The following BCKDHB variants were observed in gnomAD, a reference collection of about 807,000 sequenced individuals.
BCKDHB encodes branched chain keto acid dehydrogenase E1 subunit beta.
In BCKDHB, 41 loss-of-function variants were observed where a neutral mutation model predicts 48.5. That is an observed-to-expected ratio of 0.85 (90% CI 0.66 to 1.10). The LOEUF is 1.10. Among genes scored for constraint, BCKDHB ranks in the 50% least tolerant of loss-of-function variants. The probability of loss-of-function intolerance (pLI) is 0.00; values close to 1 mark genes in which losing one functional copy is unlikely to be tolerated. For missense variants in BCKDHB, 496 were observed against 494.2 expected, an observed-to-expected ratio of 1.00 and a Z score of -0.03; for synonymous variants, 201 against 174.8, an observed-to-expected ratio of 1.15 and a Z score of -1.18.
the BCKDHB span, among the ~76,000 whole-genome samples, chr6:80,375,433 G>A: frequency 6.6e-6 from 1 of 152,068 alleles, no homozygotes; most frequent in African/African-American, 2.4e-5. Flanking sequence ...CTACTTGTTC[G>A]ATGCTATTGC....
the BCKDHB span, among the ~76,000 whole-genome samples, chr6:80,399,726 A>AT: frequency 1.4e-4 from 21 of 152,168 alleles, no homozygotes; most frequent in African/African-American, 4.6e-4. Flanking sequence ...GACAGTCTTC[A>AT]CAGAACCAGA....
chr6:80,362,795 G>A, the BCKDHB span, among the ~76,000 whole-genome samples: 7 of 152,084 alleles, frequency 4.6e-5, no homozygotes, highest in African/African-American at 1.4e-4. Context: ...TCAGAAAAGT[G>A]GCCCTATAAC....
At chr6:80,333,651 A>G (rs747523938) in intron 9 of BCKDHB, among the ~76,000 whole-genome samples, 6 of 152,106 alleles carry the variant, frequency 3.9e-5, no homozygotes, top group Non-Finnish European at 8.8e-5. Context: ...GTAGCCTGTA[A>G]TTCCTAATTG....
chr6:80,363,487 C>T, the BCKDHB span, among the ~76,000 whole-genome samples: 1 of 152,136 alleles, frequency 6.6e-6, no homozygotes, highest in Non-Finnish European at 1.5e-5. Context: ...TCCTATGAGT[C>T]TTTGGGTGCA....
chr6:80,429,717 A>T, the BCKDHB span, among the ~76,000 whole-genome samples: 5 of 152,174 alleles, frequency 3.3e-5, no homozygotes, highest in South Asian at 1.0e-3. Flanking sequence ...TTGCACATTG[A>T]TTTTGTATCC....
At chr6:80,171,070 G>A (rs1340507053) in intron 5 of BCKDHB, among the ~76,000 whole-genome samples, 1 of 151,878 alleles carries the variant, frequency 6.6e-6, no homozygotes, top group African/African-American at 2.4e-5. Flanking sequence ...AACAGAACAT[G>A]GTAGACATCT....
intron 3 of BCKDHB, among the ~76,000 whole-genome samples, chr6:80,135,203 A>G (rs1404492530): frequency 1.3e-5 from 2 of 152,110 alleles, no homozygotes; most frequent in Non-Finnish European, 1.5e-5. Context: ...TTTGGGTGAT[A>G]CTCATACTCT....
At chr6:80,244,741 T>C (rs565577711) in intron 8 of BCKDHB, among the ~76,000 whole-genome samples, 1 of 152,232 alleles carries the variant, frequency 6.6e-6, no homozygotes, top group African/African-American at 2.4e-5. Context: ...TTTGGCTCAA[T>C]AAAGTAATGA....
rs768378855 is a variant in BCKDHB, at chr6:80,168,780, G to GGGAA, written c.478-84_478-81dup. 2.0e-3 allele frequency: 2,130 copies of GGGAA among 1,088,960 alleles called. 4 individuals carry two copies. The highest frequency in any genetic ancestry group is 6.3e-3 in the East Asian group (255 of 40,570). 67.5% of individuals were successfully genotyped at this position (1,088,960 alleles called of 1,614,324 possible). ...GGAAAGACTCATTGTGCCTTGGGAA[G>GGGAA]GGAAGGAAGGAAGGGAGGGAGGGAG... is the stretch of plus-strand genomic sequence containing the variant. On this transcript the variant is annotated intron_variant, in intron 4 of 9. Coordinates refer to ENST00000320393, the MANE Select transcript of BCKDHB (RefSeq NM_183050.4).
chr6:80,354,270 C>G, the BCKDHB span, among the ~76,000 whole-genome samples: 1 of 152,080 alleles, frequency 6.6e-6, no homozygotes, highest in African/African-American at 2.4e-5. Context: ...CTCTGTCACC[C>G]AGGCTGGAGT....
At chr6:80,153,576 C>T (rs190073787) in intron 3 of BCKDHB, among the ~76,000 whole-genome samples, 5 of 152,226 alleles carry the variant, frequency 3.3e-5, no homozygotes, top group African/African-American at 4.8e-5. Context: ...TTGGCTGCCA[C>T]GTGCCTCTCA....
At chr6:80,242,932 A>T (rs1053550857) in intron 8 of BCKDHB, among the ~76,000 whole-genome samples, 6 of 152,186 alleles carry the variant, frequency 3.9e-5, no homozygotes, top group African/African-American at 1.4e-4. Context: ...GAGTGTTCAG[A>T]TTGCCATCAG....
At chr6:80,453,887 T>G in the BCKDHB span, among the ~76,000 whole-genome samples, 1 of 152,324 alleles carries the variant, frequency 6.6e-6, no homozygotes. Context: ...TTTCATTCTC[T>G]TCTTCTAATA....
At chr6:80,169,121 A>C (rs1349073817) in intron 5 of BCKDHB, 91 bp downstream of exon 5, 3 of 1,501,556 alleles carry the variant, frequency 2.0e-6, no homozygotes, top group Non-Finnish European at 2.7e-6. Flanking sequence ...TAGAGGAAAG[A>C]AAACAAACAG....
At chr6:80,170,482 G>C (rs1772854028) in intron 5 of BCKDHB, among the ~76,000 whole-genome samples, 1 of 152,184 alleles carries the variant, frequency 6.6e-6, no homozygotes, top group Non-Finnish European at 1.5e-5. Flanking sequence ...AATTGGGTGA[G>C]ACTCTTTGAT....
At chr6:80,287,561 G>T (rs548402754) in intron 9 of BCKDHB, among the ~76,000 whole-genome samples, 3 of 151,940 alleles carry the variant, frequency 2.0e-5, no homozygotes, top group African/African-American at 7.3e-5. Context: ...AAAATTAGGC[G>T]TGCAGACACC....
At chr6:80,115,540 A>C (rs1582165507) in intron 1 of BCKDHB, among the ~76,000 whole-genome samples, 1 of 152,166 alleles carries the variant, frequency 6.6e-6, no homozygotes, top group Non-Finnish European at 1.5e-5. Flanking sequence ...TCATGATGTG[A>C]ATTAGTGCCA....
Position 80,143,149 on chromosome 6 carries a change from C to T in BCKDHB, c.343+13920C>T, listed in dbSNP as rs1015467810. 5.3e-5 allele frequency among the ~76,000 whole-genome samples: 8 copies of T among 152,056 alleles called. No individual in the cohort carries two copies. In the East Asian group the frequency reaches 5.8e-4, roughly 11 times the overall value. On this transcript the variant is annotated intron_variant, in intron 3 of 9. Coordinates refer to ENST00000320393, the MANE Select transcript of BCKDHB (RefSeq NM_183050.4). ...TCATCTTAAAACAGATCACAAAGTC[C>T]GTTAAATTTCAACTGCTCCTCTTTC...
chr6:80,162,899 C>G (rs749617133), intron 3 of BCKDHB, among the ~76,000 whole-genome samples: 18 of 151,846 alleles, frequency 1.2e-4, no homozygotes, highest in Non-Finnish European at 2.2e-4. Context: ...CCTCTAGTGA[C>G]TGCTCCCTTT....
Sources: gnomAD v4.1 joint callset for allele counts (sites outside exome capture counted in the v4.1 genomes callset) on GRCh38, gnomAD v4.1.1 for gene constraint, MANE v1.5 for transcripts, NCBI Gene and HGNC (gene_info 2026-07-23, HGNC 2026-07-21) for gene names.